AK5: variants seen among roughly 807,000 people sequenced by gnomAD.
AK5 encodes the protein adenylate kinase 5.
Under a neutral mutation model 69.5 loss-of-function variants are expected in AK5, and 27 were observed. The observed-to-expected ratio is 0.39, with a 90% CI of 0.29 to 0.54. The LOEUF is 0.54. AK5 is among the 20% of genes least tolerant of loss of function. The pLI, the probability that AK5 is intolerant of heterozygous loss-of-function variation, is 0.71. For missense variants in AK5, 531 were observed against 700.4 expected (o/e 0.76, Z 2.73); for synonymous variants, 260 against 244.4 (o/e 1.06, Z -0.60).
intron 10 of AK5, among the ~76,000 whole-genome samples, chr1:77,507,479 C>G (rs1197005675): frequency 6.6e-6 from 1 of 152,214 alleles, no homozygotes; most frequent in Non-Finnish European, 1.5e-5. Context: ...AGTATTGTGA[C>G]TTTTATCTGA....
intron 10 of AK5, among the ~76,000 whole-genome samples, chr1:77,487,093 G>A (rs528029198): frequency 6.6e-6 from 1 of 152,292 alleles, no homozygotes; most frequent in South Asian, 2.1e-4. Context: ...CTTTGCTCTA[G>A]TACAGTGAAA....
rs1657815806 is a variant in AK5, at chr1:77,518,786, T to G, written c.1311+59T>G. 3.9e-6 allele frequency: 6 copies of G among 1,532,342 alleles called. No individual in the cohort carries two copies. In the African/African-American group the frequency reaches 4.1e-5, roughly 11 times the overall value. 94.9% of individuals were successfully genotyped at this position (1,532,342 alleles called of 1,614,324 possible). ...TTCCTGTCTGGGGAGACCTTTGGGG[T>G]TTTTGTAATGAATCTGAGCTGCTGG... On this transcript the variant is annotated intron_variant, in intron 11 of 13. Transcript: ENST00000354567.
At chr1:77,328,282 C>T (rs1367166762) in intron 5 of AK5, among the ~76,000 whole-genome samples, 4 of 152,064 alleles carry the variant, frequency 2.6e-5, no homozygotes, top group South Asian at 2.1e-4. Context: ...GGGCAGATCA[C>T]GAGGTCAGGA....
intron 10 of AK5, among the ~76,000 whole-genome samples, chr1:77,496,294 G>A (rs562317967): frequency 3.0e-4 from 46 of 152,214 alleles, no homozygotes; most frequent in Non-Finnish European, 4.3e-4. Flanking sequence ...GGTAAGAGCA[G>A]AGCTGAAGAC....
At chr1:77,387,001 A>G (rs1648080086) in intron 6 of AK5, among the ~76,000 whole-genome samples, 1 of 152,110 alleles carries the variant, frequency 6.6e-6, no homozygotes, top group African/African-American at 2.4e-5. Context: ...AGTTCTACCC[A>G]TGTTGCTGCA....
At chr1:77,391,246 C>T (rs74092605) in intron 6 of AK5, among the ~76,000 whole-genome samples, 2,149 of 151,944 alleles carry the variant, frequency 0.014, 55 homozygotes, top group African/African-American at 0.049. Flanking sequence ...AGACAGCACC[C>T]ATTAGCTAAG....
At chr1:77,283,128 G>C in intron 1 of AK5, 2 of 985,820 alleles carry the variant, frequency 2.0e-6, no homozygotes, top group Non-Finnish European at 2.4e-6. Context: ...ACCGGGACCC[G>C]GGAATGGGGG....
intron 10 of AK5, among the ~76,000 whole-genome samples, chr1:77,488,527 A>C (rs375299673): frequency 1.3e-5 from 2 of 152,234 alleles, no homozygotes; most frequent in Admixed American, 6.5e-5. Context: ...CTAGAGGGAC[A>C]GAACTAATAG....
intron 11 of AK5, among the ~76,000 whole-genome samples, chr1:77,519,930 G>A (rs1039801357): frequency 6.6e-6 from 1 of 152,152 alleles, no homozygotes; most frequent in Non-Finnish European, 1.5e-5. Context: ...CTGGCAGGGC[G>A]CAGTGGCTCA....
chr1:77,311,313 G>A (rs1659950607), intron 5 of AK5, among the ~76,000 whole-genome samples: 1 of 152,132 alleles, frequency 6.6e-6, no homozygotes, highest in Non-Finnish European at 1.5e-5. Flanking sequence ...TGCATAAAAA[G>A]TGATCTTGAG....
intron 6 of AK5, among the ~76,000 whole-genome samples, chr1:77,353,393 G>A (rs1211229594): frequency 2.6e-5 from 4 of 152,058 alleles, no homozygotes; most frequent in South Asian, 4.2e-4. Context: ...CAGGAGAATC[G>A]CTTGAACCCA....
chr1:77,533,018 A>G (rs925199442), intron 12 of AK5, among the ~76,000 whole-genome samples: 5 of 152,254 alleles, frequency 3.3e-5, no homozygotes, highest in South Asian at 2.1e-4. Context: ...AAACATTTCA[A>G]AAAATTTTAG....
chr1:77,545,838 G>A (rs939738712), intron 13 of AK5, among the ~76,000 whole-genome samples: 2 of 152,126 alleles, frequency 1.3e-5, no homozygotes, highest in Non-Finnish European at 2.9e-5. Context: ...TTTAGATACA[G>A]CCCTCCCTCC....
chr1:77,436,485 T>C (rs2100623978), intron 8 of AK5, among the ~76,000 whole-genome samples: 1 of 151,954 alleles, frequency 6.6e-6, no homozygotes, highest in South Asian at 2.1e-4. Flanking sequence ...ATAATTTTAA[T>C]GTGTATTAAT....
At chr1:77,353,757 G>T (rs1366682705) in intron 6 of AK5, among the ~76,000 whole-genome samples, 1 of 152,124 alleles carries the variant, frequency 6.6e-6, no homozygotes, top group Non-Finnish European at 1.5e-5. Flanking sequence ...GGCCTCTGGA[G>T]GGCCCTTCCC....
intron 5 of AK5, among the ~76,000 whole-genome samples, chr1:77,303,008 T>C (rs1398837453): frequency 6.6e-6 from 1 of 152,226 alleles, no homozygotes; most frequent in Non-Finnish European, 1.5e-5. Flanking sequence ...TTTTTTGATA[T>C]AGTAGCATGC....
intron 9 of AK5, among the ~76,000 whole-genome samples, chr1:77,485,463 T>C (rs116809156): frequency 0.021 from 3,141 of 152,332 alleles, 45 homozygotes; most frequent in South Asian, 0.046. Context: ...ATGATCTAAC[T>C]TTCAAAAGTA....
chr1:77,405,507 T>C (rs1570514106), intron 6 of AK5, among the ~76,000 whole-genome samples: 2 of 152,252 alleles, frequency 1.3e-5, no homozygotes, highest in Non-Finnish European at 1.5e-5. Context: ...GGTTGAGGGC[T>C]GGACCTCATC....
At chr1:77,439,511 G>T (rs1652171465) in intron 8 of AK5, among the ~76,000 whole-genome samples, 1 of 151,870 alleles carries the variant, frequency 6.6e-6, no homozygotes. Flanking sequence ...TTATCTAACT[G>T]CATTTTTATA....
Sources: allele counts gnomAD v4.1 joint callset (sites outside exome capture counted in the v4.1 genomes callset), GRCh38; gene constraint gnomAD v4.1.1; transcripts MANE v1.5; gene names NCBI Gene and HGNC (gene_info 2026-07-23, HGNC 2026-07-21).